KCNMA1: variants seen among roughly 807,000 people sequenced by gnomAD.
The protein encoded by KCNMA1 is Calcium-activated potassium channel subunit alpha-1.
Under a neutral mutation model 140.0 loss-of-function variants are expected in KCNMA1, and 29 were observed. The observed-to-expected ratio is 0.21, with a 90% confidence interval of 0.15 to 0.28. The LOEUF is 0.28. KCNMA1 is among the 10% of genes least tolerant of loss of function. The probability of loss-of-function intolerance (pLI) is 1.00; values close to 1 mark genes in which losing one functional copy is unlikely to be tolerated. For synonymous variants in KCNMA1, 612 were observed against 611.9 expected (o/e 1.00, Z 0.00); for missense variants, 880 against 1,602.2 (o/e 0.55, Z 7.70).
intron 1 of KCNMA1, among the ~76,000 whole-genome samples, chr10:77,434,367 CT>C (rs1235249884): frequency 5.9e-5 from 9 of 152,198 alleles, no homozygotes; most frequent in Non-Finnish European, 8.8e-5. Context: ...ACAGTGTGGG[CT>C]GGAGCTGCTG....
rs186375453 is a variant in KCNMA1 at position 77,220,082 on chromosome 10, G to A, written c.602+31113C>T. ...CACTACACATACCAGGCACTGTTCT[G>A]AGTGTTTTTATCTGTTGACTCAATT... On this transcript the variant is annotated intron_variant, in intron 3 of 27. Transcript: ENST00000286628. 2.0e-5 allele frequency among the ~76,000 whole-genome samples: 3 copies of A among 152,284 alleles called. No homozygotes were observed. The East Asian group carries it at 5.8e-4, about 29-fold the overall frequency.
At chr10:77,363,405 C>T (rs1480732861) in intron 2 of KCNMA1, among the ~76,000 whole-genome samples, 1 of 152,192 alleles carries the variant, frequency 6.6e-6, no homozygotes, top group Admixed American at 6.5e-5. Context: ...CAGGAACAGC[C>T]AAGGACACTC....
At chr10:77,035,490 G>C (rs1428657594) in intron 15 of KCNMA1, among the ~76,000 whole-genome samples, 2 of 152,034 alleles carry the variant, frequency 1.3e-5, no homozygotes, top group African/African-American at 4.8e-5. Context: ...GCCACCCTAG[G>C]GAAACTGAAT....
At chr10:77,117,420 G>A (rs531168004) in intron 6 of KCNMA1, among the ~76,000 whole-genome samples, 1 of 151,198 alleles carries the variant, frequency 6.6e-6, no homozygotes, top group Admixed American at 6.6e-5. Context: ...GTGGTGGCAG[G>A]CACCTGTAAT....
chr10:77,441,569 G>T (rs533665977), intron 1 of KCNMA1, among the ~76,000 whole-genome samples: 2 of 151,918 alleles, frequency 1.3e-5, no homozygotes, highest in South Asian at 2.1e-4. Flanking sequence ...CCACCCCCTC[G>T]CAGGGTTATA....
chr10:76,944,628 C>A, intron 23 of KCNMA1, 145 bp downstream of exon 23: 1 of 730,636 alleles, frequency 1.4e-6, no homozygotes, highest in Non-Finnish European at 2.4e-6. Flanking sequence ...AGCAGATGCC[C>A]CTTTGAAAGC....
chr10:77,541,622 G>T (rs1256024238), intron 1 of KCNMA1, among the ~76,000 whole-genome samples: 1 of 152,138 alleles, frequency 6.6e-6, no homozygotes, highest in African/African-American at 2.4e-5. Context: ...TGTGTAGAAA[G>T]TACATGTTCC....
At chr10:77,371,222 G>A (rs1255271470) in intron 2 of KCNMA1, among the ~76,000 whole-genome samples, 1 of 152,140 alleles carries the variant, frequency 6.6e-6, no homozygotes, top group East Asian at 1.9e-4. Context: ...TCTCGGGCAA[G>A]GTGAACTCTG....
intron 5 of KCNMA1, among the ~76,000 whole-genome samples, chr10:77,153,488 C>T (rs980326913): frequency 8.5e-5 from 13 of 152,120 alleles, no homozygotes; most frequent in Admixed American, 1.3e-4. Flanking sequence ...CCTTTCACCT[C>T]AGCGTCCTGC....
chr10:77,567,983 G>C (rs1173332771), intron 1 of KCNMA1, among the ~76,000 whole-genome samples: 1 of 152,140 alleles, frequency 6.6e-6, no homozygotes, highest in East Asian at 1.9e-4. Context: ...AGAAAATCTA[G>C]AAGAAATGGA....
At chr10:76,944,568 G>A (rs975865001) in intron 23 of KCNMA1, among the ~76,000 whole-genome samples, 2 of 152,232 alleles carry the variant, frequency 1.3e-5, no homozygotes, top group African/African-American at 2.4e-5. Context: ...CCTAGTCTGT[G>A]TGTGGGTGAC....
chr10:77,031,136 A>G (rs1362414403), intron 15 of KCNMA1, among the ~76,000 whole-genome samples: 3 of 152,252 alleles, frequency 2.0e-5, no homozygotes, highest in Non-Finnish European at 4.4e-5. Context: ...AATGTGCTGC[A>G]CAGATGCTTC....
chr10:77,570,588 G>A (rs1281412794), intron 1 of KCNMA1, among the ~76,000 whole-genome samples: 11 of 50,112 alleles, frequency 2.2e-4, no homozygotes, highest in African/African-American at 6.4e-4. Flanking sequence ...GGACTGTTGT[G>A]GGGTAGGGGG....
At chr10:77,598,738 C>T (rs1270093970) in intron 1 of KCNMA1, among the ~76,000 whole-genome samples, 1 of 152,176 alleles carries the variant, frequency 6.6e-6, no homozygotes, top group Non-Finnish European at 1.5e-5. Flanking sequence ...CTCTCTCCTC[C>T]CTCAGAAGAA....
chr10:77,319,713 TC>T (rs1197987361), intron 2 of KCNMA1, among the ~76,000 whole-genome samples: 1 of 152,208 alleles, frequency 6.6e-6, no homozygotes, highest in Non-Finnish European at 1.5e-5. Flanking sequence ...GCGTGACACT[TC>T]TGGATGGAAG....
chr10:77,108,466 T>C lies in KCNMA1; in HGVS notation c.1223+15A>G, dbSNP rs757029824. 6.2e-7 allele frequency: 1 copy of C among 1,610,594 alleles called. No homozygotes were observed. The highest frequency in any genetic ancestry group is 8.5e-7 in the Non-Finnish European group (1 of 1,177,566). ...CTACCGCAGCAGAGGCAGCAAAACC[T>C]CTTGGCATACTTACTTTCTTCCACT... On this transcript the variant is annotated intron_variant, in intron 9 of 27. Coordinates refer to ENST00000286628, the MANE Select transcript of KCNMA1 (RefSeq NM_001161352.2). The surrounding 1 kb of genome is among the most constrained non-coding windows in gnomAD (Gnocchi z 4.6).
intron 3 of KCNMA1, among the ~76,000 whole-genome samples, chr10:77,231,752 T>G (rs1420263052): frequency 6.6e-6 from 1 of 152,180 alleles, no homozygotes; most frequent in East Asian, 1.9e-4. Context: ...CCCAAATATT[T>G]TCCTTGCTTT....
At chr10:77,207,445 C>T (rs1245582905) in intron 3 of KCNMA1, among the ~76,000 whole-genome samples, 2 of 152,106 alleles carry the variant, frequency 1.3e-5, no homozygotes, top group Admixed American at 6.6e-5. Flanking sequence ...TAAAGAAAAT[C>T]GTAGTAGTGC....
At chr10:77,389,739 C>G (rs977247009) in intron 2 of KCNMA1, among the ~76,000 whole-genome samples, 1 of 152,138 alleles carries the variant, frequency 6.6e-6, no homozygotes, top group East Asian at 1.9e-4. Context: ...GGCATCCTTC[C>G]CCCTGCCCAG....
Sources: gnomAD v4.1 joint callset for allele counts (sites outside exome capture counted in the v4.1 genomes callset) on GRCh38, gnomAD v4.1.1 for gene constraint, Gnocchi (gnomAD v3.1) non-coding constraint, MANE v1.5 for transcripts, NCBI Gene and HGNC (gene_info 2026-07-23, HGNC 2026-07-21) for gene names.